Variants in MAPRE2 observed in about 807,000 individuals in gnomAD.
MAPRE2 encodes microtubule associated protein RP/EB family member 2.
A neutral mutation model predicts 43.2 loss-of-function variants in MAPRE2; 13 were observed. The ratio of observed to expected loss-of-function variants is 0.30; its 90% CI spans 0.20 to 0.48. The LOEUF (loss-of-function observed/expected upper bound fraction) is 0.48, where lower values mean the gene tolerates loss of function less well. Ranked by LOEUF, MAPRE2 falls within the 20% of genes least tolerant of loss-of-function variation. The pLI is 0.99. For missense variants in MAPRE2, 161 were observed against 400.2 expected (o/e 0.40, Z 5.10); for synonymous variants, 135 against 148.8 (o/e 0.91, Z 0.68).
At chr18:35,030,036 A>G (rs1375303489) in intron 2 of MAPRE2, among the ~76,000 whole-genome samples, 1 of 152,262 alleles carries the variant, frequency 6.6e-6, no homozygotes, top group East Asian at 1.9e-4. Context: ...GAGAAATAAA[A>G]TAGCTAATCA....
chr18:35,035,255 T>G (rs1426014137), intron 2 of MAPRE2, among the ~76,000 whole-genome samples: 3 of 150,686 alleles, frequency 2.0e-5, no homozygotes, highest in African/African-American at 7.4e-5. Flanking sequence ...AGTAAACTAT[T>G]GCAAGGACAA....
At chr18:34,985,628 T>TATG (rs1388457187) in intron 1 of MAPRE2, among the ~76,000 whole-genome samples, 1 of 99,054 alleles carries the variant, frequency 1.0e-5, no homozygotes, top group Admixed American at 1.6e-4. Context: ...ATATATAACA[T>TATG]ATATATTATA....
intron 5 of MAPRE2, among the ~76,000 whole-genome samples, chr18:35,129,554 AG>A (rs2144243527): frequency 6.6e-6 from 1 of 152,360 alleles, no homozygotes; most frequent in East Asian, 1.9e-4. Context: ...ATTTAGGAAA[AG>A]TCATAAAGAA....
intron 2 of MAPRE2, among the ~76,000 whole-genome samples, chr18:35,006,220 CTAT>C (rs2097031796): frequency 6.6e-6 from 1 of 152,160 alleles, no homozygotes; most frequent in East Asian, 1.9e-4. Context: ...AAGCTACAAG[CTAT>C]TATTGTTCAC....
chr18:35,140,396 C>G lies in MAPRE2; in HGVS notation c.*27C>G, dbSNP rs760979132. On this transcript the variant is annotated 3_prime_UTR_variant, in exon 7 of 7. Transcript: ENST00000300249. ...CCACCCCGGCTGCTCTTGACACTTC[C>G]ATTGTGTGTGGGAACGTTTCTTCTG... 10 of 1,586,178 alleles carry G rather than the reference C, an allele frequency of 6.3e-6. No individual in the cohort carries two copies. The South Asian group carries it at 1.1e-4, about 18-fold the overall frequency.
chr18:35,054,198 G>T (rs1048620554), intron 1 of MAPRE2, among the ~76,000 whole-genome samples: 1 of 152,140 alleles, frequency 6.6e-6, no homozygotes, highest in Non-Finnish European at 1.5e-5. Context: ...TAGAGACTGG[G>T]AAACAAAAGC....
chr18:35,060,884 C>T (rs2150614179), intron 1 of MAPRE2, among the ~76,000 whole-genome samples: 1 of 152,166 alleles, frequency 6.6e-6, no homozygotes, highest in South Asian at 2.1e-4. Context: ...CTATTGTAGG[C>T]GGTTGGAGAC....
intron 1 of MAPRE2, among the ~76,000 whole-genome samples, chr18:34,991,365 G>C (rs532774589): frequency 6.6e-6 from 1 of 152,262 alleles, no homozygotes; most frequent in East Asian, 1.9e-4. Flanking sequence ...TAACAGGAGA[G>C]ACCGAGTAGA....
At chr18:34,977,357 G>T (rs911338462) in intron 1 of MAPRE2, among the ~76,000 whole-genome samples, 1 of 152,214 alleles carries the variant, frequency 6.6e-6, no homozygotes, top group African/African-American at 2.4e-5. Context: ...AAAGTGGAGG[G>T]AGGGAGTTGG....
At chr18:34,982,010 G>A (rs962382535) in intron 1 of MAPRE2, among the ~76,000 whole-genome samples, 13 of 150,350 alleles carry the variant, frequency 8.6e-5, no homozygotes, top group Admixed American at 2.0e-4. Flanking sequence ...TCAGCCTCCC[G>A]AGTAGCTGGG....
intron 1 of MAPRE2, among the ~76,000 whole-genome samples, chr18:35,066,459 T>A (rs527483256): frequency 6.6e-4 from 100 of 152,360 alleles, no homozygotes; most frequent in African/African-American, 2.3e-3. Context: ...CCAGAAATCA[T>A]AATGAAATCT....
At position 35,127,095 on chromosome 18, in the gene MAPRE2, A is replaced by G; in HGVS notation, c.750+8A>G. On this transcript the variant is annotated splice_region_variant and intron_variant, in intron 5 of 6. Coordinates refer to ENST00000300249, the MANE Select transcript of MAPRE2 (RefSeq NM_014268.4). The stretch of plus-strand genomic sequence containing the variant: ...ATACAGCTTAATGAACAGGTAATGC[A>G]TCAGCTCTGGCCACGCCTCTAGGAG... The G allele has an allele frequency of 6.2e-7, 1 of 1,614,156 alleles. No homozygotes were observed. Among genetic ancestry groups the G allele is most frequent in the Non-Finnish European group, 8.5e-7 (1 of 1,179,988 alleles).
chr18:35,072,804 T>C (rs1014243426), intron 2 of MAPRE2, among the ~76,000 whole-genome samples: 3 of 152,200 alleles, frequency 2.0e-5, no homozygotes, highest in African/African-American at 7.2e-5. Context: ...GAAGCAATTT[T>C]GATCACTATC....
intron 1 of MAPRE2, among the ~76,000 whole-genome samples, chr18:34,993,128 A>G (rs1183680359): frequency 6.6e-6 from 1 of 152,194 alleles, no homozygotes; most frequent in Non-Finnish European, 1.5e-5. Flanking sequence ...AATGAGTGAG[A>G]CAGGATCTCA....
At chr18:35,138,128 C>G (rs1910470726) in intron 6 of MAPRE2, among the ~76,000 whole-genome samples, 1 of 152,162 alleles carries the variant, frequency 6.6e-6, no homozygotes, top group Non-Finnish European at 1.5e-5. Flanking sequence ...ATGTGCCAGA[C>G]AGAAGGCAAA....
intron 2 of MAPRE2, among the ~76,000 whole-genome samples, chr18:35,026,955 T>C (rs2097045558): frequency 6.6e-6 from 1 of 152,224 alleles, no homozygotes; most frequent in South Asian, 2.1e-4. Context: ...CTTAAGCTTT[T>C]GATACTTGAA....
chr18:34,989,279 T>A (rs757137759), intron 1 of MAPRE2, among the ~76,000 whole-genome samples: 24 of 152,202 alleles, frequency 1.6e-4, no homozygotes, highest in Non-Finnish European at 2.9e-4. Flanking sequence ...TCCCTTAGCA[T>A]TTGTAATGTT....
At position 35,047,002 on chromosome 18, in the gene MAPRE2, G is replaced by A. The variant is rs141147220; in HGVS notation, c.122+5341G>A. Among the ~76,000 whole-genome samples, 972 of 152,212 alleles carry A rather than the reference G, an allele frequency of 6.4e-3. 9 individuals are homozygous for A. The highest frequency in any genetic ancestry group is 0.023 in the African/African-American group (936 of 41,512). ...GTTCATTATGAAGCATCTTCCCTTG[G>A]CATTTAATGATGTAAAAAGTTCCGA... On this transcript the variant is annotated intron_variant, in intron 1 of 6. Coordinates refer to ENST00000300249, the MANE Select transcript of MAPRE2 (RefSeq NM_014268.4).
chr18:35,114,222 C>G (rs1189599545), intron 4 of MAPRE2, among the ~76,000 whole-genome samples: 2 of 152,206 alleles, frequency 1.3e-5, no homozygotes, highest in East Asian at 3.8e-4. Context: ...CCTCCCCACA[C>G]TATGCTGAAC....
Sources: allele counts gnomAD v4.1 joint callset (sites outside exome capture counted in the v4.1 genomes callset), GRCh38; gene constraint gnomAD v4.1.1; transcripts MANE v1.5; gene names NCBI Gene and HGNC (gene_info 2026-07-23, HGNC 2026-07-21).